Variants in ATXN7 observed in about 807,000 individuals in gnomAD.
ATXN7 encodes the protein ataxin 7, also known as ataxin-7.
In ATXN7, 12 loss-of-function variants were observed where a neutral mutation model predicts 70.5. That is an observed-to-expected ratio of 0.17 (90% CI 0.11 to 0.28). ATXN7 has a LOEUF of 0.28. ATXN7 is among the 10% of genes least tolerant of loss of function. ATXN7 has a pLI of 1.00. For missense variants in ATXN7, 1,256 were observed against 1,131.7 expected (o/e 1.11, Z -1.58); for synonymous variants, 498 against 448.7 (o/e 1.11, Z -1.39).
intron 2 of ATXN7, among the ~76,000 whole-genome samples, chr3:63,910,445 A>G (rs1703972869): frequency 6.6e-6 from 1 of 152,226 alleles, no homozygotes; most frequent in Non-Finnish European, 1.5e-5. Flanking sequence ...TCACAATTCC[A>G]AGTAATAAAT....
intron 1 of ATXN7, among the ~76,000 whole-genome samples, chr3:63,886,347 A>C (rs1231612902): frequency 1.3e-5 from 2 of 152,204 alleles, no homozygotes; most frequent in African/African-American, 4.8e-5. Context: ...AGTAATGGTG[A>C]CTATAGTTAA....
intron 2 of ATXN7, among the ~76,000 whole-genome samples, chr3:63,907,593 G>T (rs138842518): frequency 6.6e-6 from 1 of 150,792 alleles, no homozygotes; most frequent in African/African-American, 2.4e-5. Context: ...CGAGTAGCTG[G>T]GACTATAGAC....
intron 2 of ATXN7, among the ~76,000 whole-genome samples, chr3:63,907,350 A>C (rs576654212): frequency 3.9e-5 from 6 of 152,238 alleles, no homozygotes; most frequent in Admixed American, 3.3e-4. Context: ...TACGTTTAAC[A>C]ATGTGTTTAA....
chr3:63,935,173 A>G (rs2074635868), intron 4 of ATXN7, among the ~76,000 whole-genome samples: 1 of 152,224 alleles, frequency 6.6e-6, no homozygotes, highest in Non-Finnish European at 1.5e-5. Flanking sequence ...CTATTGAAAG[A>G]GTGCTAGTTC....
At chr3:63,972,086 A>T (rs963201352) in intron 5 of ATXN7, among the ~76,000 whole-genome samples, 1 of 152,196 alleles carries the variant, frequency 6.6e-6, no homozygotes, top group African/African-American at 2.4e-5. Flanking sequence ...ATGGATTATG[A>T]CAGTTTGGAT....
intron 1 of ATXN7, among the ~76,000 whole-genome samples, chr3:63,891,706 A>T (rs1002240367): frequency 6.6e-6 from 1 of 152,186 alleles, no homozygotes; most frequent in Non-Finnish European, 1.5e-5. Flanking sequence ...TAGGCAAACT[A>T]TGTGCTCAGG....
chr3:63,879,487 GTTT>G (rs200065951), intron 1 of ATXN7, among the ~76,000 whole-genome samples: 27 of 135,394 alleles, frequency 2.0e-4, no homozygotes, highest in Admixed American at 3.7e-4. Flanking sequence ...TATCTCTTCA[GTTT>G]TTTTTTTTTT....
intron 4 of ATXN7, among the ~76,000 whole-genome samples, chr3:63,925,812 A>C (rs899680229): frequency 1.3e-5 from 2 of 152,128 alleles, no homozygotes; most frequent in African/African-American, 4.8e-5. Context: ...GGAGAGTTGG[A>C]GAGTTAGCCA....
At chr3:63,974,965 G>A (rs1239360396) in intron 5 of ATXN7, among the ~76,000 whole-genome samples, 1 of 152,304 alleles carries the variant, frequency 6.6e-6, no homozygotes. Context: ...GGTGAACTGA[G>A]GTAGATGGTA....
At chr3:63,941,365 G>C (rs2074765593) in intron 4 of ATXN7, among the ~76,000 whole-genome samples, 1 of 152,282 alleles carries the variant, frequency 6.6e-6, no homozygotes, top group East Asian at 1.9e-4. Flanking sequence ...TCTGCCTCTT[G>C]TCAGATCAGC....
intron 4 of ATXN7, among the ~76,000 whole-genome samples, chr3:63,947,402 TAGTG>T (rs2074881630): frequency 6.6e-6 from 1 of 152,066 alleles, no homozygotes; most frequent in South Asian, 2.1e-4. Flanking sequence ...CTGGGCAACA[TAGTG>T]AGACCCCTGT....
At chr3:63,945,424 C>CTCTA (rs1455055455) in intron 4 of ATXN7, among the ~76,000 whole-genome samples, 2 of 152,134 alleles carry the variant, frequency 1.3e-5, no homozygotes, top group Non-Finnish European at 2.9e-5. Flanking sequence ...TAGAAACTGC[C>CTCTA]TCTAGGTATA....
chr3:63,865,607 G>C (rs558432156), intron 1 of ATXN7, among the ~76,000 whole-genome samples: 1 of 151,940 alleles, frequency 6.6e-6, no homozygotes, highest in Non-Finnish European at 1.5e-5. Context: ...GAAAGTAATT[G>C]TCGGCCGGGC....
At chr3:63,916,186 G>A (rs1417742037) in intron 4 of ATXN7, among the ~76,000 whole-genome samples, 1 of 152,152 alleles carries the variant, frequency 6.6e-6, no homozygotes, top group Non-Finnish European at 1.5e-5. Context: ...TGTAGGAGCT[G>A]AAATTAAATT....
chr3:63,951,032 A>C (rs2074944540), intron 4 of ATXN7, among the ~76,000 whole-genome samples: 1 of 152,144 alleles, frequency 6.6e-6, no homozygotes, highest in South Asian at 2.1e-4. Context: ...CCTCTCTGTG[A>C]GTCAGTTTTC....
In ATXN7 at chr3:63,863,944, C is replaced by A; in HGVS notation, c.-325C>A. On this transcript the variant is annotated 5_prime_UTR_variant, in exon 1 of 13. Coordinates refer to ENST00000674280, the MANE Select transcript of ATXN7 (RefSeq NM_001377405.1). ...CGCCTGCTCCGACGCCTGAGCCGCG[C>A]CGCGCCGCGCCGCCGCCGCCGCCGC... is the stretch of plus-strand genomic sequence containing the variant. 7.1e-6 allele frequency: 1 copy of A among 139,968 alleles called. No individual in the cohort carries two copies. The highest frequency in any genetic ancestry group is 1.3e-5 in the Non-Finnish European group (1 of 79,258). 8.7% of individuals were successfully genotyped at this position (139,968 alleles called of 1,614,324 possible). A position where few individuals can be genotyped will look rare whatever the true frequency, so the allele number is the denominator to read the frequency against.
intron 1 of ATXN7, among the ~76,000 whole-genome samples, chr3:63,872,851 T>TA (rs1306954433): frequency 6.6e-6 from 1 of 152,216 alleles, no homozygotes; most frequent in South Asian, 2.1e-4. Flanking sequence ...TAGGTAGTAT[T>TA]ATCCCATTTT....
At chr3:63,891,760 A>G (rs1014661574) in intron 1 of ATXN7, among the ~76,000 whole-genome samples, 3 of 152,222 alleles carry the variant, frequency 2.0e-5, no homozygotes, top group African/African-American at 7.2e-5. Flanking sequence ...CTCTATCACA[A>G]ATAGTATTTA....
At chr3:63,898,067 C>T (rs1422590932) in intron 1 of ATXN7, among the ~76,000 whole-genome samples, 1 of 152,184 alleles carries the variant, frequency 6.6e-6, no homozygotes, top group Non-Finnish European at 1.5e-5. Flanking sequence ...TTCATAGGAG[C>T]AGGCTTTCTG....
Sources: allele counts gnomAD v4.1 joint callset (sites outside exome capture counted in the v4.1 genomes callset), GRCh38; gene constraint gnomAD v4.1.1; transcripts MANE v1.5; gene names NCBI Gene and HGNC (gene_info 2026-07-23, HGNC 2026-07-21).